EIF2B3: variants seen among roughly 807,000 people sequenced by gnomAD.
The protein encoded by EIF2B3 is eukaryotic translation initiation factor 2B subunit gamma.
EIF2B3 carries 20 observed loss-of-function variants against 54.1 expected under a neutral mutation model. The ratio of observed to expected loss-of-function variants is 0.37; its 90% confidence interval spans 0.26 to 0.54. The LOEUF is 0.54. Ranked by LOEUF, EIF2B3 falls within the 20% of genes least tolerant of loss-of-function variation. The pLI, the probability that EIF2B3 is intolerant of heterozygous loss-of-function variation, is 0.86. For synonymous variants in EIF2B3, 153 were observed against 188.1 expected (o/e 0.81, Z 1.52); for missense variants, 448 against 547.8 (o/e 0.82, Z 1.82).
intron 6 of EIF2B3, among the ~76,000 whole-genome samples, chr1:44,883,217 T>C (rs1655469589): frequency 6.6e-6 from 1 of 151,876 alleles, no homozygotes; most frequent in African/African-American, 2.4e-5. Flanking sequence ...GGATTACAGG[T>C]GTGAGCCACC....
chr1:44,932,589 A>G (rs1228567646), intron 4 of EIF2B3, among the ~76,000 whole-genome samples: 3 of 152,236 alleles, frequency 2.0e-5, no homozygotes, highest in East Asian at 1.9e-4. Context: ...GTAGATTTTA[A>G]GTGTTCTCAC....
At chr1:44,912,412 ATCC>A (rs1418986679) in intron 5 of EIF2B3, among the ~76,000 whole-genome samples, 12 of 152,096 alleles carry the variant, frequency 7.9e-5, no homozygotes, top group Admixed American at 7.9e-4. Flanking sequence ...TTTTTTCAGA[ATCC>A]TATATTTGAA....
chr1:44,855,891 C>T (rs11211046), intron 11 of EIF2B3, among the ~76,000 whole-genome samples: 65,495 of 151,908 alleles, frequency 0.43, 15,005 homozygotes, highest in African/African-American at 0.59. Context: ...GGCTGATTCA[C>T]GGATAATTGC....
Position 44,911,939 on chromosome 1 carries a change from G to A in EIF2B3, c.567-14495C>T, listed in dbSNP as rs371077132. 9.6e-5 allele frequency among the ~76,000 whole-genome samples: 14 copies of A among 145,768 alleles called. No individual in the cohort carries two copies. The East Asian group carries it at 2.3e-3, about 24-fold the overall frequency. On this transcript the variant is annotated intron_variant, in intron 5 of 11. Transcript: ENST00000360403. ...TTCTCATTGTTCAATTCCCACCTAT[G>A]AGTGAGAACATGCGGTGTTTGGTTT...
At chr1:44,872,166 G>A (rs1422201201) in intron 10 of EIF2B3, among the ~76,000 whole-genome samples, 1 of 152,164 alleles carries the variant, frequency 6.6e-6, no homozygotes, top group Non-Finnish European at 1.5e-5. Flanking sequence ...CTGAGTAGCT[G>A]AGACTACTGA....
chr1:44,879,275 T>C (rs1038367464), intron 8 of EIF2B3, among the ~76,000 whole-genome samples: 1 of 152,164 alleles, frequency 6.6e-6, no homozygotes, highest in Non-Finnish European at 1.5e-5. Flanking sequence ...TGGAAGCTAT[T>C]TGTTCCCCAT....
intron 9 of EIF2B3, 135 bp downstream of exon 9, chr1:44,875,483 A>G: frequency 1.2e-6 from 1 of 819,874 alleles, no homozygotes; most frequent in Admixed American, 2.0e-5. Context: ...GTGAGATTTT[A>G]TTCTCAGAAC....
intron 5 of EIF2B3, among the ~76,000 whole-genome samples, chr1:44,910,551 C>CCTCT (rs1643490368): frequency 6.6e-6 from 1 of 151,752 alleles, no homozygotes; most frequent in Admixed American, 6.6e-5. Context: ...GGGGAGGCTG[C>CCTCT]CTCTGCACCT....
intron 11 of EIF2B3, among the ~76,000 whole-genome samples, chr1:44,852,549 G>A (rs12095866): frequency 4.6e-5 from 7 of 152,090 alleles, no homozygotes; most frequent in Non-Finnish European, 8.8e-5. Flanking sequence ...GGAGGCCAAA[G>A]CAGGTGGATC....
chr1:44,984,797 C>CTTTTTTTTTTTTTTTTTTT (rs71040529), intron 1 of EIF2B3, among the ~76,000 whole-genome samples: 5 of 88,536 alleles, frequency 5.6e-5, no homozygotes, highest in Non-Finnish European at 7.9e-5. Flanking sequence ...TAATGTCCAT[C>CTTTTTTTTTTTTTTTTTTT]TTTTTTTTTT....
chr1:44,859,605 C>G (rs1270678719), intron 10 of EIF2B3, among the ~76,000 whole-genome samples: 1 of 151,800 alleles, frequency 6.6e-6, no homozygotes, highest in African/African-American at 2.4e-5. Flanking sequence ...TTGCAGTGAG[C>G]CAAGATTGCA....
At chr1:44,908,000 A>G (rs1024883484) in intron 5 of EIF2B3, among the ~76,000 whole-genome samples, 2 of 150,816 alleles carry the variant, frequency 1.3e-5, no homozygotes, top group Admixed American at 1.3e-4. Context: ...GGTAGAGTCT[A>G]TTTTGCATCT....
intron 4 of EIF2B3, among the ~76,000 whole-genome samples, chr1:44,937,540 T>C (rs1304458774): frequency 6.6e-6 from 1 of 152,130 alleles, no homozygotes; most frequent in Non-Finnish European, 1.5e-5. Context: ...AATATATGTG[T>C]TCGGAGGAGA....
intron 3 of EIF2B3, among the ~76,000 whole-genome samples, chr1:44,965,603 AG>A (rs1644328417): frequency 6.6e-6 from 1 of 150,802 alleles, no homozygotes; most frequent in Non-Finnish European, 1.5e-5. Flanking sequence ...ATAGTCAAAA[AG>A]GCCTGGGTAT....
intron 6 of EIF2B3, among the ~76,000 whole-genome samples, chr1:44,888,710 C>T (rs1053324296): frequency 6.6e-6 from 1 of 152,022 alleles, no homozygotes; most frequent in Non-Finnish European, 1.5e-5. Context: ...TCAAGACGGC[C>T]CAGCAAGCTG....
chr1:44,882,283 GA>G (rs1655425537), intron 6 of EIF2B3, among the ~76,000 whole-genome samples: 2 of 152,168 alleles, frequency 1.3e-5, no homozygotes, highest in South Asian at 4.1e-4. Flanking sequence ...GCCAGATCAC[GA>G]AAGCTTTTTG....
chr1:44,918,005 C>A (rs1643662472), intron 5 of EIF2B3, among the ~76,000 whole-genome samples: 1 of 150,394 alleles, frequency 6.6e-6, no homozygotes, highest in Non-Finnish European at 1.5e-5. Context: ...AATCTCCTGA[C>A]CTCATGATCC....
rs551297707 is a variant in EIF2B3 at position 44,934,242 on chromosome 1, C to CA, written c.454+7263dup. On this transcript the variant is annotated intron_variant, in intron 4 of 11. Transcript: ENST00000360403. The stretch of plus-strand genomic sequence containing the variant: ...AAAACCTCGTCTTTACTAAAAAATA[C>CA]AAAAAATTAGCTAGGTGCAGTGGCA... Among the ~76,000 whole-genome samples, 741 of 149,880 alleles carry CA rather than the reference C, an allele frequency of 4.9e-3. 4 individuals are homozygous for CA. Among genetic ancestry groups the CA allele is most frequent in the Non-Finnish European group, 7.5e-3 (507 of 67,460 alleles).
intron 2 of EIF2B3, among the ~76,000 whole-genome samples, chr1:44,979,142 C>T (rs1191567291): frequency 6.1e-5 from 9 of 148,316 alleles, no homozygotes; most frequent in African/African-American, 2.2e-4. Context: ...TCCAAAAAAC[C>T]AGAGGTTTAG....
Sources: gnomAD v4.1 joint callset for allele counts (sites outside exome capture counted in the v4.1 genomes callset) on GRCh38, gnomAD v4.1.1 for gene constraint, MANE v1.5 for transcripts, NCBI Gene and HGNC (gene_info 2026-07-23, HGNC 2026-07-21) for gene names.